Variants in IGSF10 observed in about 807,000 individuals in gnomAD.
IGSF10 encodes the protein calvaria mechanical force protein 608.
In IGSF10, 126 loss-of-function variants were observed where a neutral mutation model predicts 128.2. The observed-to-expected ratio is 0.98, with a 90% CI of 0.85 to 1.14. IGSF10 has a LOEUF of 1.14. Among genes scored for constraint, IGSF10 ranks in the 50% most tolerant of loss-of-function variants. The pLI is 0.00. For synonymous variants in IGSF10, 1,185 were observed against 1,146.2 expected, an observed-to-expected ratio of 1.03 and a Z score of -0.68; for missense variants, 3,295 against 3,149.8, an observed-to-expected ratio of 1.05 and a Z score of -1.10.
intron 2 of IGSF10, among the ~76,000 whole-genome samples, chr3:151,459,074 T>C (rs1391056765): frequency 6.6e-6 from 1 of 152,234 alleles, no homozygotes; most frequent in Non-Finnish European, 1.5e-5. Context: ...ATACATTAAT[T>C]CTTTTAGAGT....
upstream of IGSF10, among the ~76,000 whole-genome samples, chr3:151,462,854 A>G (rs1000233029): frequency 6.6e-6 from 1 of 152,222 alleles, no homozygotes; most frequent in African/African-American, 2.4e-5. Context: ...TTTTAAATTA[A>G]AAATTCACGT....
At chr3:151,585,982 A>T in the IGSF10 span, among the ~76,000 whole-genome samples, 20 of 141,980 alleles carry the variant, frequency 1.4e-4, no homozygotes, top group Non-Finnish European at 2.3e-4. Flanking sequence ...CACATTAACC[A>T]TTTTTTTTTT....
the IGSF10 span, among the ~76,000 whole-genome samples, chr3:151,589,681 A>C: frequency 2.0e-5 from 3 of 152,194 alleles, no homozygotes; most frequent in Admixed American, 2.0e-4. Flanking sequence ...ATGTCATGCC[A>C]ACTAGAAAAA....
chr3:151,541,003 A>C, the IGSF10 span, among the ~76,000 whole-genome samples: 2 of 152,190 alleles, frequency 1.3e-5, no homozygotes, highest in African/African-American at 4.8e-5. Flanking sequence ...ACAACTGCAG[A>C]GGGGAGACAT....
At chr3:151,572,180 T>C in the IGSF10 span, among the ~76,000 whole-genome samples, 1 of 152,220 alleles carries the variant, frequency 6.6e-6, no homozygotes, top group East Asian at 1.9e-4. Flanking sequence ...TCTAAAATAC[T>C]CTTTTTTTGT....
At chr3:151,570,056 A>T in the IGSF10 span, among the ~76,000 whole-genome samples, 2 of 152,200 alleles carry the variant, frequency 1.3e-5, no homozygotes, top group African/African-American at 2.4e-5. Context: ...CCTACAAAGG[A>T]CATGAAAGAA....
intron 5 of IGSF10, among the ~76,000 whole-genome samples, chr3:151,450,662 C>T (rs548632797): frequency 3.9e-5 from 6 of 151,962 alleles, no homozygotes; most frequent in African/African-American, 1.4e-4. Context: ...TTTGGGAGGC[C>T]GAGGTGGGCG....
At chr3:151,569,538 C>T in the IGSF10 span, among the ~76,000 whole-genome samples, 1 of 152,044 alleles carries the variant, frequency 6.6e-6, no homozygotes, top group African/African-American at 2.4e-5. Flanking sequence ...ATCTGTCACA[C>T]CATTTAAGTA....
the IGSF10 span, among the ~76,000 whole-genome samples, chr3:151,609,967 A>G: frequency 6.6e-6 from 1 of 152,198 alleles, no homozygotes; most frequent in East Asian, 1.9e-4. Flanking sequence ...AAATCTCTAC[A>G]TGTACCCCCT....
the IGSF10 span, among the ~76,000 whole-genome samples, chr3:151,523,700 T>C: frequency 3.3e-5 from 5 of 151,930 alleles, no homozygotes; most frequent in Non-Finnish European, 5.9e-5. Context: ...AAACTATGAA[T>C]ACTTTGGGAG....
chr3:151,434,892 ATCTTTTT>A (rs1333078769), downstream of IGSF10: 7 of 152,296 alleles, frequency 4.6e-5, no homozygotes, highest in African/African-American at 1.4e-4. Flanking sequence ...TGTGGGGCAT[ATCTTTTT>A]TCTTTTTTTA....
the IGSF10 span, among the ~76,000 whole-genome samples, chr3:151,547,020 C>A: frequency 4.0e-4 from 61 of 152,142 alleles, no homozygotes; most frequent in African/African-American, 1.1e-3. Context: ...ATCCACCCCC[C>A]CCTTGGCCTC....
the IGSF10 span, among the ~76,000 whole-genome samples, chr3:151,534,801 A>ATATGTGTGTGTGTGTGTGTGTGTGTG: frequency 1.3e-5 from 2 of 149,078 alleles, no homozygotes; most frequent in African/African-American, 5.0e-5. Context: ...TTTAAAGTGT[A>ATATGTGTGTGTGTGTGTGTGTGTGTG]TGTGTGTGTG....
At chr3:151,521,901 T>G in the IGSF10 span, among the ~76,000 whole-genome samples, 1 of 151,688 alleles carries the variant, frequency 6.6e-6, no homozygotes, top group South Asian at 2.1e-4. Flanking sequence ...ACCATTCAAA[T>G]GATCAACGAA....
chr3:151,488,213 C>T, the IGSF10 span, among the ~76,000 whole-genome samples: 1 of 152,104 alleles, frequency 6.6e-6, no homozygotes, highest in Non-Finnish European at 1.5e-5. Flanking sequence ...AGTGAACTCC[C>T]ATTCACAATT....
the IGSF10 span, among the ~76,000 whole-genome samples, chr3:151,490,716 CAAG>C: frequency 6.6e-6 from 1 of 151,922 alleles, no homozygotes; most frequent in Admixed American, 6.6e-5. Flanking sequence ...AAATAAATAA[CAAG>C]AAGAATCTTG....
rs555226646 is a variant in IGSF10, at chr3:151,448,198, A to G, written c.1783T>C (p.Cys595Arg). The G allele has an allele frequency of 1.2e-6, 2 of 1,614,260 alleles. No homozygotes were observed. Among genetic ancestry groups the G allele is most frequent in the African/African-American group, 1.3e-5 (1 of 75,078 alleles). The change falls in exon 6 of 8, where the codon TGC becomes CGC. Residue 595 changes from cysteine to arginine, a missense_variant. Cys to Arg is a radical substitution (Grantham distance 180). Transcript: ENST00000282466. ...VFIGETLDLP[C>R]HSTGIPDASI... is the part of the protein sequence containing the mutation. ...GCATCTGGGATACCAGTAGAATGGC[A>G]TGGAAGATCAAGTGTTTCACCAATG...
the IGSF10 span, among the ~76,000 whole-genome samples, chr3:151,536,568 T>A: frequency 6.6e-6 from 1 of 152,166 alleles, no homozygotes; most frequent in African/African-American, 2.4e-5. Context: ...ATCCTGAAGC[T>A]TAAGTTTCAT....
the IGSF10 span, among the ~76,000 whole-genome samples, chr3:151,548,040 G>C: frequency 2.0e-5 from 3 of 152,172 alleles, no homozygotes; most frequent in Admixed American, 6.5e-5. Flanking sequence ...CCATTGAGAT[G>C]TGTGTACCTT....
Sources: gnomAD v4.1 joint callset for allele counts (sites outside exome capture counted in the v4.1 genomes callset) on GRCh38, gnomAD v4.1.1 for gene constraint, MANE v1.5 for transcripts, NCBI Gene and HGNC (gene_info 2026-07-23, HGNC 2026-07-21) for gene names.